ELMO1: variants seen among roughly 807,000 people sequenced by gnomAD.
ELMO1 encodes engulfment and cell motility protein 1.
Under a neutral mutation model 98.9 loss-of-function variants are expected in ELMO1, and 26 were observed. The ratio of observed to expected loss-of-function variants is 0.26; its 90% CI spans 0.19 to 0.36. The LOEUF (loss-of-function observed/expected upper bound fraction) is 0.36. Among genes scored for constraint, ELMO1 ranks in the 10% least tolerant of loss-of-function variants. The pLI is 1.00. For missense variants in ELMO1, 627 were observed against 935.2 expected (o/e 0.67, Z 4.30); for synonymous variants, 346 against 346.0 (o/e 1.00, Z 0.00).
intron 16 of ELMO1, among the ~76,000 whole-genome samples, chr7:36,957,054 C>T (rs1161874216): frequency 6.6e-6 from 1 of 152,228 alleles, no homozygotes; most frequent in African/African-American, 2.4e-5. Context: ...GGGCTGTCAG[C>T]CTTGTTTCTG....
At chr7:37,149,470 C>T (rs1435693626) in intron 13 of ELMO1, among the ~76,000 whole-genome samples, 1 of 151,752 alleles carries the variant, frequency 6.6e-6, no homozygotes, top group East Asian at 1.9e-4. Context: ...TTTTCTTTTA[C>T]ATTTTTAAAT....
chr7:37,033,748 A>G (rs1321959251), intron 15 of ELMO1, among the ~76,000 whole-genome samples: 3 of 152,220 alleles, frequency 2.0e-5, no homozygotes, highest in Non-Finnish European at 4.4e-5. Context: ...ACTGGAGACT[A>G]AGATCATCAG....
chr7:37,080,600 A>ATTTTTTTTTTTT (rs764259726), intron 15 of ELMO1, among the ~76,000 whole-genome samples: 623 of 105,134 alleles, frequency 5.9e-3, no homozygotes, highest in Non-Finnish European at 7.6e-3. Context: ...ACCACGCCTA[A>ATTTTTTTTTTTT]TTTTTTTTTT....
At chr7:37,232,014 G>A (rs55867525) in intron 8 of ELMO1, among the ~76,000 whole-genome samples, 21,287 of 151,966 alleles carry the variant, frequency 0.14, 1,602 homozygotes, top group East Asian at 0.27. Context: ...CACTGCGCCC[G>A]GCTAATTTTT....
intron 14 of ELMO1, among the ~76,000 whole-genome samples, chr7:37,123,864 T>A (rs1264221602): frequency 6.6e-6 from 1 of 152,196 alleles, no homozygotes; most frequent in Non-Finnish European, 1.5e-5. Flanking sequence ...ATATCCTTGA[T>A]GAACATTGAT....
At chr7:36,955,481 A>G (rs1256609919) in intron 16 of ELMO1, among the ~76,000 whole-genome samples, 2 of 152,262 alleles carry the variant, frequency 1.3e-5, no homozygotes, top group African/African-American at 4.8e-5. Context: ...TAGACTTGTC[A>G]TAGAAAAATG....
At chr7:36,975,016 G>A (rs775868128) in intron 16 of ELMO1, among the ~76,000 whole-genome samples, 5 of 152,222 alleles carry the variant, frequency 3.3e-5, no homozygotes, top group African/African-American at 1.2e-4. Flanking sequence ...CTCCAGACGC[G>A]CCACCTTAAG....
chr7:36,916,720 C>G (rs1164284756), intron 16 of ELMO1, among the ~76,000 whole-genome samples: 3 of 152,228 alleles, frequency 2.0e-5, no homozygotes, highest in Non-Finnish European at 4.4e-5. Context: ...AGTTTCCACC[C>G]TCATTCCTCT....
intron 15 of ELMO1, among the ~76,000 whole-genome samples, chr7:37,080,746 C>T (rs1009754432): frequency 4.0e-5 from 6 of 151,588 alleles, no homozygotes; most frequent in East Asian, 3.9e-4. Context: ...TCACTGTGCC[C>T]GGCCACCCTC....
chr7:37,340,199 C>G (rs1160839922), intron 2 of ELMO1, among the ~76,000 whole-genome samples: 1 of 152,094 alleles, frequency 6.6e-6, no homozygotes, highest in African/African-American at 2.4e-5. Flanking sequence ...AGCATTATAC[C>G]AGTATTCAAT....
At chr7:37,198,132 C>T (rs1272236035) in intron 13 of ELMO1, among the ~76,000 whole-genome samples, 2 of 152,174 alleles carry the variant, frequency 1.3e-5, no homozygotes, top group Admixed American at 1.3e-4. Context: ...AAAAATCCAC[C>T]GCTTCCTTCA....
At chr7:36,861,882 T>C (rs1802660852) in intron 20 of ELMO1, 146 bp from the exon 21 acceptor site, 2 of 730,258 alleles carry the variant, frequency 2.7e-6, no homozygotes, top group Non-Finnish European at 4.8e-6. Context: ...GGAGGAACCA[T>C]GCTCTTCAAG....
intron 6 of ELMO1, among the ~76,000 whole-genome samples, chr7:37,248,326 A>C (rs1562552332): frequency 6.7e-6 from 1 of 148,720 alleles, no homozygotes; most frequent in Non-Finnish European, 1.5e-5. Flanking sequence ...AAGGAACGGC[A>C]TTTTTTTTTT....
chr7:37,180,571 A>G (rs1790789051), intron 13 of ELMO1, among the ~76,000 whole-genome samples: 1 of 152,212 alleles, frequency 6.6e-6, no homozygotes, highest in African/African-American at 2.4e-5. Flanking sequence ...CTAGGAAAGA[A>G]TAAGTGTAAA....
chr7:36,980,585 C>G (rs1233422851), intron 16 of ELMO1, among the ~76,000 whole-genome samples: 2 of 152,222 alleles, frequency 1.3e-5, no homozygotes, highest in Non-Finnish European at 1.5e-5. Flanking sequence ...TACTGCTCAT[C>G]ATCATATGAA....
In ELMO1 at chr7:36,868,422, C is replaced by T. The variant is rs186570807; in HGVS notation, c.1905+1971G>A. 5.0e-3 allele frequency among the ~76,000 whole-genome samples: 754 copies of T among 150,640 alleles called. 5 individuals are homozygous for T. The highest frequency in any genetic ancestry group is 0.018 in the African/African-American group (728 of 41,026). On this transcript the variant is annotated intron_variant, in intron 20 of 21. Transcript: ENST00000310758. ...GTGCAGTGACATGATCTCGGCTCAT[C>T]GCAACCTCCACCTCCTGGGTTCAAG...
At chr7:37,029,523 T>C (rs1794761697) in intron 15 of ELMO1, among the ~76,000 whole-genome samples, 1 of 152,122 alleles carries the variant, frequency 6.6e-6, no homozygotes, top group Non-Finnish European at 1.5e-5. Flanking sequence ...TGTTAGTGTT[T>C]TGGTGGTATT....
rs60966397 is a variant in ELMO1, at chr7:36,983,965, A to AT, written c.1437+29333dup. On this transcript the variant is annotated intron_variant, in intron 16 of 21. Transcript: ENST00000310758. Reference sequence around the variant, plus strand: ...AATAGCTTAAGAACTACTGTTTTAGATTTTTTTTTTTTTTTTGTAAACATT... The same window carrying AT: ...AATAGCTTAAGAACTACTGTTTTAGATTTTTTTTTTTTTTTTTGTAAACATT... 4.9e-3 allele frequency among the ~76,000 whole-genome samples: 699 copies of AT among 143,580 alleles called. 9 individuals carry two copies. The highest frequency in any genetic ancestry group is 0.023 in the East Asian group (114 of 4,902). 94.2% of individuals were successfully genotyped at this position (143,580 alleles called of 152,430 possible). A position where few individuals can be genotyped will look rare whatever the true frequency, so the allele number is the denominator to read the frequency against.
intron 1 of ELMO1, among the ~76,000 whole-genome samples, chr7:37,410,765 T>C (rs914234105): frequency 7.9e-5 from 12 of 152,202 alleles, no homozygotes; most frequent in African/African-American, 2.9e-4. Context: ...CACATTTTGG[T>C]AGAGAAACAA....
Sources: gnomAD v4.1 joint callset for allele counts (sites outside exome capture counted in the v4.1 genomes callset) on GRCh38, gnomAD v4.1.1 for gene constraint, MANE v1.5 for transcripts, NCBI Gene and HGNC (gene_info 2026-07-23, HGNC 2026-07-21) for gene names.